Variants in CDC42SE2 observed in about 807,000 individuals in gnomAD.
The protein encoded by CDC42SE2 is CDC42 small effector protein 2.
A neutral mutation model predicts 11.5 loss-of-function variants in CDC42SE2; 3 were observed. That is an observed-to-expected ratio of 0.26 (90% CI 0.12 to 0.67). The LOEUF (loss-of-function observed/expected upper bound fraction) is 0.67, where lower values mean the gene tolerates loss of function less well. Among genes scored for constraint, CDC42SE2 ranks in the 30% least tolerant of loss-of-function variants. CDC42SE2 has a pLI of 0.80. For missense variants in CDC42SE2, 82 were observed against 106.8 expected (o/e 0.77, Z 1.02); for synonymous variants, 33 against 34.8 (o/e 0.95, Z 0.18).
At chr5:131,277,797 C>G (rs1028453623) in intron 1 of CDC42SE2, among the ~76,000 whole-genome samples, 15 of 152,166 alleles carry the variant, frequency 9.9e-5, no homozygotes, top group Admixed American at 9.2e-4. Flanking sequence ...TAGGTCCTCC[C>G]CATCACTGTT....
the CDC42SE2 span, among the ~76,000 whole-genome samples, chr5:131,227,745 G>A: frequency 6.6e-6 from 1 of 151,586 alleles, no homozygotes; most frequent in Non-Finnish European, 1.5e-5. Flanking sequence ...ATATAAAGAA[G>A]TTTAAAAAAG....
chr5:131,329,029 G>C (rs916138314), intron 2 of CDC42SE2, among the ~76,000 whole-genome samples: 2 of 152,236 alleles, frequency 1.3e-5, no homozygotes, highest in Non-Finnish European at 2.9e-5. Flanking sequence ...GGGGCACAGA[G>C]AGGGGCGGGA....
At chr5:131,216,821 G>A in the CDC42SE2 span, among the ~76,000 whole-genome samples, 1 of 152,136 alleles carries the variant, frequency 6.6e-6, no homozygotes, top group South Asian at 2.1e-4. Flanking sequence ...ATAAAGGGAA[G>A]TTTATACTAC....
the CDC42SE2 span, among the ~76,000 whole-genome samples, chr5:131,238,699 T>C: frequency 1.3e-5 from 2 of 152,042 alleles, no homozygotes; most frequent in Non-Finnish European, 2.9e-5. Context: ...TTTTTTTTCT[T>C]CAGGTGTGTA....
At chr5:131,221,413 C>T in the CDC42SE2 span, among the ~76,000 whole-genome samples, 1 of 151,930 alleles carries the variant, frequency 6.6e-6, no homozygotes. Context: ...ATTGGACACC[C>T]CTGCTTTAAA....
chr5:131,362,042 A>G (rs1580779388), intron 3 of CDC42SE2, among the ~76,000 whole-genome samples: 1 of 152,014 alleles, frequency 6.6e-6, no homozygotes, highest in Non-Finnish European at 1.5e-5. Flanking sequence ...TGGAAAATGC[A>G]ACATTTGGGC....
intron 2 of CDC42SE2, among the ~76,000 whole-genome samples, chr5:131,353,978 G>A (rs1216241702): frequency 6.6e-6 from 1 of 152,036 alleles, no homozygotes; most frequent in African/African-American, 2.4e-5. Context: ...TGTGGCTCAT[G>A]CCTCTAATCC....
intron 2 of CDC42SE2, among the ~76,000 whole-genome samples, chr5:131,346,791 A>G (rs905330183): frequency 1.3e-4 from 20 of 152,242 alleles, no homozygotes; most frequent in Non-Finnish European, 2.5e-4. Flanking sequence ...AACAGAAATT[A>G]TAACAAACTG....
upstream of CDC42SE2, among the ~76,000 whole-genome samples, chr5:131,259,874 T>C (rs1200753536): frequency 6.6e-6 from 1 of 152,288 alleles, no homozygotes; most frequent in Non-Finnish European, 1.5e-5. Context: ...GAATTGTGTC[T>C]GGCACGTTGT....
chr5:131,246,201 A>G (rs1756580183), intron 1 of CDC42SE2, among the ~76,000 whole-genome samples: 1 of 152,212 alleles, frequency 6.6e-6, no homozygotes, highest in African/African-American at 2.4e-5. Context: ...CACGCCTGCA[A>G]TCCCAGCGCT....
the CDC42SE2 span, among the ~76,000 whole-genome samples, chr5:131,213,147 C>T: frequency 5.9e-5 from 9 of 152,066 alleles, no homozygotes; most frequent in Admixed American, 2.0e-4. Context: ...GGGCCGAGCT[C>T]GTGCCATTGC....
intron 3 of CDC42SE2, among the ~76,000 whole-genome samples, chr5:131,374,702 A>ATAT (rs1275394956): frequency 6.6e-6 from 1 of 152,150 alleles, no homozygotes; most frequent in Non-Finnish European, 1.5e-5. Context: ...CATAGAGTTA[A>ATAT]TATAAACACT....
the CDC42SE2 span, among the ~76,000 whole-genome samples, chr5:131,238,268 C>T: frequency 1.1e-4 from 17 of 151,888 alleles, no homozygotes; most frequent in African/African-American, 3.6e-4. Context: ...GAGACCGAGG[C>T]GGATGGATCG....
At chr5:131,286,000 T>C (rs1401347846) in intron 1 of CDC42SE2, among the ~76,000 whole-genome samples, 1 of 152,034 alleles carries the variant, frequency 6.6e-6, no homozygotes, top group Non-Finnish European at 1.5e-5. Flanking sequence ...AGCAGAACCT[T>C]GTTTGCATTT....
At chr5:131,316,628 A>G (rs1580750038) in intron 2 of CDC42SE2, among the ~76,000 whole-genome samples, 2 of 152,306 alleles carry the variant, frequency 1.3e-5, no homozygotes, top group South Asian at 2.1e-4. Flanking sequence ...AAGAAAATAG[A>G]TGGTCCCTCT....
intron 3 of CDC42SE2, among the ~76,000 whole-genome samples, chr5:131,372,740 C>G (rs765647503): frequency 6.6e-6 from 1 of 151,916 alleles, no homozygotes; most frequent in South Asian, 2.1e-4. Context: ...CAGACAGATC[C>G]GGATTTGAAT....
intron 2 of CDC42SE2, among the ~76,000 whole-genome samples, chr5:131,334,586 A>C (rs911970048): frequency 6.6e-6 from 1 of 152,078 alleles, no homozygotes; most frequent in Admixed American, 6.5e-5. Context: ...CTGTGAATCT[A>C]TGTGGTCCTG....
chr5:131,211,891 G>A, the CDC42SE2 span, among the ~76,000 whole-genome samples: 1 of 151,140 alleles, frequency 6.6e-6, no homozygotes, highest in Non-Finnish European at 1.5e-5. Flanking sequence ...GCTGAGGTGG[G>A]AGGATCATTT....
At chr5:131,221,916 A>G in the CDC42SE2 span, among the ~76,000 whole-genome samples, 1 of 152,224 alleles carries the variant, frequency 6.6e-6, no homozygotes, top group Non-Finnish European at 1.5e-5. Flanking sequence ...GTTGGTATTG[A>G]GAAGAATATA....
Sources: gnomAD v4.1 joint callset for allele counts (sites outside exome capture counted in the v4.1 genomes callset) on GRCh38, gnomAD v4.1.1 for gene constraint, MANE v1.5 for transcripts, NCBI Gene and HGNC (gene_info 2026-07-23, HGNC 2026-07-21) for gene names.